Variants in SLC35F4 observed in about 807,000 individuals in gnomAD.
SLC35F4 encodes the protein solute carrier family 35 member F4.
Under a neutral mutation model 44.2 loss-of-function variants are expected in SLC35F4, and 24 were observed. That is an observed-to-expected ratio of 0.54 (90% CI 0.39 to 0.76). The LOEUF (loss-of-function observed/expected upper bound fraction) is 0.76, where lower values mean the gene tolerates loss of function less well. Among genes scored for constraint, SLC35F4 ranks in the 30% least tolerant of loss-of-function variants. The pLI is 0.00. For synonymous variants in SLC35F4, 238 were observed against 223.6 expected (o/e 1.06, Z -0.57); for missense variants, 562 against 586.1 (o/e 0.96, Z 0.42).
intron 1 of SLC35F4, among the ~76,000 whole-genome samples, chr14:57,882,401 C>A (rs896410761): frequency 4.6e-5 from 7 of 152,162 alleles, no homozygotes; most frequent in African/African-American, 1.7e-4. Context: ...ACACACCTGT[C>A]CTAGCTTTGC....
intron 1 of SLC35F4, among the ~76,000 whole-genome samples, chr14:57,647,837 G>A (rs2073608098): frequency 6.6e-6 from 1 of 152,066 alleles, no homozygotes; most frequent in African/African-American, 2.4e-5. Flanking sequence ...CCCAGGCGAT[G>A]TCTGATCACC....
intron 1 of SLC35F4, among the ~76,000 whole-genome samples, chr14:57,636,225 G>A (rs1170901421): frequency 6.6e-6 from 1 of 152,120 alleles, no homozygotes; most frequent in African/African-American, 2.4e-5. Context: ...TCCTCCAGGT[G>A]GAAATAGGAA....
chr14:57,898,845 T>C (rs1888940081), intron 1 of SLC35F4, among the ~76,000 whole-genome samples: 1 of 152,244 alleles, frequency 6.6e-6, no homozygotes, highest in South Asian at 2.1e-4. Flanking sequence ...TCTAGGAATA[T>C]CTTTCGATAT....
intron 1 of SLC35F4, among the ~76,000 whole-genome samples, chr14:57,761,036 CAG>C (rs2077112259): frequency 6.6e-6 from 1 of 152,144 alleles, no homozygotes; most frequent in Non-Finnish European, 1.5e-5. Context: ...CTCAGGGAAT[CAG>C]ACTCTGTGTG....
intron 2 of SLC35F4, among the ~76,000 whole-genome samples, chr14:57,591,199 C>T (rs907131100): frequency 2.0e-5 from 3 of 152,196 alleles, no homozygotes; most frequent in Admixed American, 1.3e-4. Flanking sequence ...AAGACTTCAG[C>T]CCATGGTCTA....
chr14:57,691,834 T>G (rs1031053340), intron 1 of SLC35F4, among the ~76,000 whole-genome samples: 1 of 149,996 alleles, frequency 6.7e-6, no homozygotes. Context: ...CAGACTTAGA[T>G]GAACAATGCT....
chr14:57,815,077 G>T (rs1054607900), intron 1 of SLC35F4, among the ~76,000 whole-genome samples: 6 of 152,118 alleles, frequency 3.9e-5, no homozygotes, highest in Admixed American at 3.9e-4. Flanking sequence ...CACTACAACT[G>T]CAGAGTTAAC....
chr14:57,897,527 C>T (rs12589943), intron 1 of SLC35F4, among the ~76,000 whole-genome samples: 3,481 of 151,658 alleles, frequency 0.023, 122 homozygotes, highest in East Asian at 0.085. Flanking sequence ...GCAGTGATAC[C>T]GTCAGTCATC....
chr14:57,878,780 C>A (rs184317878), intron 1 of SLC35F4, among the ~76,000 whole-genome samples: 165 of 152,134 alleles, frequency 1.1e-3, no homozygotes, highest in African/African-American at 3.3e-3. Context: ...AGTATAGTGC[C>A]AGGCACAGAG....
rs1054426900 is a variant in SLC35F4 at position 57,771,900 on chromosome 14, C to CT, written c.103+93822dup. On this transcript the variant is annotated intron_variant, in intron 1 of 7. Transcript: ENST00000556826. ...TAAGCCACTGTGCCTGGTCTGAATACTTTTTTTTTTAAAGCATAGCTATCT... is the reference window on the plus strand; with the variant it reads ...TAAGCCACTGTGCCTGGTCTGAATACTTTTTTTTTTTAAAGCATAGCTATCT... 1.1e-3 allele frequency among the ~76,000 whole-genome samples: 161 copies of CT among 150,540 alleles called. 1 individual carries two copies. Among genetic ancestry groups the CT allele is most frequent in the Admixed American group, 3.5e-3 (53 of 15,084 alleles).
At chr14:57,605,895 G>A (rs563921485) in intron 1 of SLC35F4, among the ~76,000 whole-genome samples, 1 of 152,266 alleles carries the variant, frequency 6.6e-6, no homozygotes, top group South Asian at 2.1e-4. Flanking sequence ...TCACTTGCAG[G>A]TGGGAGCTAA....
intron 1 of SLC35F4, among the ~76,000 whole-genome samples, chr14:57,653,850 GC>G (rs899645342): frequency 6.6e-6 from 1 of 152,134 alleles, no homozygotes; most frequent in African/African-American, 2.4e-5. Context: ...GAAATGTATT[GC>G]CTCACACTTC....
chr14:57,806,350 C>G lies in SLC35F4; in HGVS notation c.103+59373G>C, dbSNP rs970484845. On this transcript the variant is annotated intron_variant, in intron 1 of 7. Coordinates refer to ENST00000556826, the MANE Select transcript of SLC35F4 (RefSeq NM_001306087.2). ...AGTTGACATTGCCTTATAGTATAGT[C>G]ATTAAAAATAAAGGTGCTATTTTAT... Among the ~76,000 whole-genome samples, 29 of 152,112 alleles carry G rather than the reference C, an allele frequency of 1.9e-4. No individual in the cohort carries two copies. The East Asian group carries it at 4.1e-3, about 21-fold the overall frequency.
At chr14:57,955,774 C>T (rs1165624616) in intron 1 of SLC35F4, among the ~76,000 whole-genome samples, 2 of 152,128 alleles carry the variant, frequency 1.3e-5, no homozygotes, top group East Asian at 3.8e-4. Flanking sequence ...CAAACCACTG[C>T]TCAATGAAAT....
At chr14:57,966,771 G>T (rs1880875355) in intron 1 of SLC35F4, among the ~76,000 whole-genome samples, 1 of 152,066 alleles carries the variant, frequency 6.6e-6, no homozygotes, top group South Asian at 2.1e-4. Context: ...GCACTTTGGG[G>T]GACCAAGGCA....
chr14:57,905,883 A>G (rs1388426559), intron 1 of SLC35F4, among the ~76,000 whole-genome samples: 1 of 152,182 alleles, frequency 6.6e-6, no homozygotes, highest in Non-Finnish European at 1.5e-5. Flanking sequence ...GGGAAAGGGT[A>G]TGGGCAGAAG....
intron 1 of SLC35F4, among the ~76,000 whole-genome samples, chr14:57,890,919 T>A (rs546305878): frequency 2.0e-5 from 3 of 152,232 alleles, no homozygotes; most frequent in Admixed American, 2.0e-4. Context: ...AATAAGCAAG[T>A]TCTTTATAGC....
At chr14:57,623,438 C>G (rs375843586) in intron 1 of SLC35F4, among the ~76,000 whole-genome samples, 1 of 152,208 alleles carries the variant, frequency 6.6e-6, no homozygotes, top group African/African-American at 2.4e-5. Context: ...ACGACTTGAA[C>G]TCAGCTCTGG....
chr14:57,581,592 G>A (rs1006793474), intron 3 of SLC35F4, among the ~76,000 whole-genome samples, 159 bp from the exon 4 acceptor site: 4 of 152,250 alleles, frequency 2.6e-5, no homozygotes, highest in African/African-American at 9.6e-5. Context: ...GCGGGCTTCA[G>A]GGAGTGTATG....
Sources: gnomAD v4.1 joint callset for allele counts (sites outside exome capture counted in the v4.1 genomes callset) on GRCh38, gnomAD v4.1.1 for gene constraint, MANE v1.5 for transcripts, NCBI Gene and HGNC (gene_info 2026-07-23, HGNC 2026-07-21) for gene names.